The following KCNIP4 variants were observed in gnomAD, a reference collection of about 807,000 sequenced individuals.
KCNIP4 encodes the protein Kv channel-interacting protein 4.
Under a neutral mutation model 34.0 loss-of-function variants are expected in KCNIP4, and 12 were observed. The observed-to-expected ratio is 0.35, with a 90% CI of 0.23 to 0.57. The LOEUF (loss-of-function observed/expected upper bound fraction) is 0.57. Among genes scored for constraint, KCNIP4 ranks in the 20% least tolerant of loss-of-function variants. The pLI, the probability that KCNIP4 is intolerant of heterozygous loss-of-function variation, is 0.83. For synonymous variants in KCNIP4, 124 were observed against 102.2 expected (o/e 1.21, Z -1.29); for missense variants, 238 against 311.7 (o/e 0.76, Z 1.78).
At chr4:21,638,605 C>A (rs2109226696) in intron 1 of KCNIP4, among the ~76,000 whole-genome samples, 1 of 152,256 alleles carries the variant, frequency 6.6e-6, no homozygotes, top group Admixed American at 6.5e-5. Flanking sequence ...ACTGACATTT[C>A]TTGGGCAGCA....
chr4:21,349,445 G>T (rs1160797480), intron 1 of KCNIP4, among the ~76,000 whole-genome samples: 1 of 152,114 alleles, frequency 6.6e-6, no homozygotes, highest in East Asian at 1.9e-4. Flanking sequence ...ACATGACAAG[G>T]GCTATTTTTA....
chr4:21,005,181 G>A (rs1034739811), intron 1 of KCNIP4, among the ~76,000 whole-genome samples: 1 of 152,128 alleles, frequency 6.6e-6, no homozygotes, highest in Non-Finnish European at 1.5e-5. Context: ...AAAAACAGGG[G>A]TTCCCAGATT....
intron 1 of KCNIP4, among the ~76,000 whole-genome samples, chr4:21,652,303 T>C (rs1747555413): frequency 6.6e-6 from 1 of 152,186 alleles, no homozygotes. Flanking sequence ...AGAACCTGGA[T>C]TCTGTTAGGG....
At chr4:21,001,384 T>C (rs1045317939) in intron 1 of KCNIP4, among the ~76,000 whole-genome samples, 4 of 152,196 alleles carry the variant, frequency 2.6e-5, no homozygotes, top group African/African-American at 9.6e-5. Context: ...CCCTTTAACC[T>C]GCCCTCCAAG....
intron 1 of KCNIP4, among the ~76,000 whole-genome samples, chr4:21,629,485 T>C (rs10006027): frequency 0.84 from 128,537 of 152,164 alleles, 54,741 homozygotes; most frequent in East Asian, 0.97. Flanking sequence ...TGATGCCCTG[T>C]TAGAGTCCAA....
intron 1 of KCNIP4, among the ~76,000 whole-genome samples, chr4:20,900,388 C>G (rs1415835792): frequency 6.6e-6 from 1 of 152,176 alleles, no homozygotes; most frequent in Admixed American, 6.5e-5. Flanking sequence ...AAGGCCACCC[C>G]ATAAACTATG....
chr4:20,747,422 T>G (rs1331761290), intron 5 of KCNIP4, among the ~76,000 whole-genome samples: 1 of 152,174 alleles, frequency 6.6e-6, no homozygotes, highest in African/African-American at 2.4e-5. Flanking sequence ...AACTTGTTTC[T>G]AAAGTGAAGC....
chr4:21,322,257 C>A (rs1325559136), intron 1 of KCNIP4, among the ~76,000 whole-genome samples: 2 of 152,104 alleles, frequency 1.3e-5, no homozygotes, highest in Non-Finnish European at 2.9e-5. Context: ...TCTGGCAGTT[C>A]TAAGGCAGAA....
intron 1 of KCNIP4, among the ~76,000 whole-genome samples, chr4:21,323,696 G>A (rs949504848): frequency 2.0e-5 from 3 of 151,994 alleles, no homozygotes; most frequent in Non-Finnish European, 2.9e-5. Context: ...CCGTATCTTG[G>A]ATATTGTGAA....
intron 1 of KCNIP4, among the ~76,000 whole-genome samples, chr4:21,271,178 A>C (rs531240949): frequency 3.9e-4 from 60 of 152,278 alleles, no homozygotes; most frequent in South Asian, 6.2e-4. Flanking sequence ...ATCTAGTCAT[A>C]TGATTTTTAA....
chr4:21,867,812 T>C (rs1725522798), intron 1 of KCNIP4, among the ~76,000 whole-genome samples: 1 of 152,204 alleles, frequency 6.6e-6, no homozygotes, highest in South Asian at 2.1e-4. Context: ...TTCTTAATCT[T>C]TTTAGAGCCA....
chr4:21,577,532 G>A (rs1356061541), intron 1 of KCNIP4, among the ~76,000 whole-genome samples: 1 of 152,148 alleles, frequency 6.6e-6, no homozygotes, highest in Non-Finnish European at 1.5e-5. Flanking sequence ...TTGGGAGGCT[G>A]AGGTAGGAGA....
At chr4:21,260,643 CATAGTAGA>C (rs1247494716) in intron 1 of KCNIP4, among the ~76,000 whole-genome samples, 1 of 152,148 alleles carries the variant, frequency 6.6e-6, no homozygotes, top group Non-Finnish European at 1.5e-5. Context: ...TTCTGATGTC[CATAGTAGA>C]CAGAGCTTAT....
intron 1 of KCNIP4, among the ~76,000 whole-genome samples, chr4:21,342,483 C>T (rs1420246002): frequency 2.0e-4 from 31 of 152,076 alleles, no homozygotes; most frequent in Admixed American, 2.0e-3. Flanking sequence ...GCTTAAACAT[C>T]ATGCCCAAGG....
chr4:21,504,066 T>C (rs1420894378), intron 1 of KCNIP4, among the ~76,000 whole-genome samples: 3 of 152,194 alleles, frequency 2.0e-5, no homozygotes, highest in East Asian at 1.9e-4. Flanking sequence ...ACTGGCTCTA[T>C]AGGGCTCAAA....
intron 1 of KCNIP4, among the ~76,000 whole-genome samples, chr4:21,721,913 CTG>C (rs1427105501): frequency 2.0e-5 from 3 of 152,082 alleles, no homozygotes; most frequent in Non-Finnish European, 2.9e-5. Context: ...TAAGACATGA[CTG>C]TGCATTTAGA....
In KCNIP4 at chr4:21,088,418, C is replaced by T. The variant is rs564634779; in HGVS notation, c.62-205709G>A. 4.6e-5 allele frequency among the ~76,000 whole-genome samples: 7 copies of T among 152,174 alleles called. No homozygotes were observed. In the East Asian group the frequency reaches 7.7e-4, roughly 17 times the overall value. ...TGCTACTGTCTCTTGTACAGGGATC[C>T]GTACGTTCATTCTTGCCCTTCATTT... On this transcript the variant is annotated intron_variant, in intron 1 of 8. Transcript: ENST00000382152.
At chr4:21,123,830 C>T (rs1478413390) in intron 1 of KCNIP4, among the ~76,000 whole-genome samples, 2 of 151,910 alleles carry the variant, frequency 1.3e-5, no homozygotes, top group African/African-American at 2.4e-5. Context: ...AAAGAAAGGC[C>T]GTGTGAATGT....
intron 1 of KCNIP4, among the ~76,000 whole-genome samples, chr4:21,683,664 T>C (rs1018208411): frequency 6.6e-6 from 1 of 151,704 alleles, no homozygotes; most frequent in African/African-American, 2.4e-5. Context: ...AGAGATGAGG[T>C]GGTGAAGCCA....
Sources: allele counts gnomAD v4.1 joint callset (sites outside exome capture counted in the v4.1 genomes callset), GRCh38; gene constraint gnomAD v4.1.1; transcripts MANE v1.5; gene names NCBI Gene and HGNC (gene_info 2026-07-23, HGNC 2026-07-21).